Variants in ADGRL2 observed in about 807,000 individuals in gnomAD.
ADGRL2 encodes the protein adhesion G protein-coupled receptor L2.
In ADGRL2, 44 loss-of-function variants were observed where a neutral mutation model predicts 157.4. The ratio of observed to expected loss-of-function variants is 0.28; its 90% CI spans 0.22 to 0.36. The LOEUF is 0.36. ADGRL2 is among the 10% of genes least tolerant of loss of function. The pLI is 1.00. For missense variants in ADGRL2, 1,510 were observed against 1,768.9 expected, an observed-to-expected ratio of 0.85 and a Z score of 2.63; for synonymous variants, 585 against 624.7, an observed-to-expected ratio of 0.94 and a Z score of 0.95.
At chr1:81,889,791 G>T (rs1398077295) in intron 2 of ADGRL2, among the ~76,000 whole-genome samples, 1 of 152,158 alleles carries the variant, frequency 6.6e-6, no homozygotes, top group Non-Finnish European at 1.5e-5. Context: ...CTTGTTAGGG[G>T]CTAATGCAGC....
chr1:81,525,905 G>A (rs1409928889), intron 2 of ADGRL2, among the ~76,000 whole-genome samples: 1 of 152,140 alleles, frequency 6.6e-6, no homozygotes, highest in Admixed American at 6.5e-5. Flanking sequence ...TTATTTGACA[G>A]TGAAGCTGAT....
chr1:81,736,840 C>T (rs538877289), intron 1 of ADGRL2, among the ~76,000 whole-genome samples: 2 of 152,114 alleles, frequency 1.3e-5, no homozygotes, highest in South Asian at 4.2e-4. Context: ...GAGACTCCCT[C>T]ACTCTTTTTT....
intron 2 of ADGRL2, among the ~76,000 whole-genome samples, chr1:81,870,973 A>G (rs2093676655): frequency 6.7e-6 from 1 of 149,292 alleles, no homozygotes; most frequent in Non-Finnish European, 1.5e-5. Context: ...TCTAGGGTAC[A>G]TGTGCACAAT....
chr1:81,385,688 T>A (rs575852296), intron 1 of ADGRL2, among the ~76,000 whole-genome samples: 34 of 151,720 alleles, frequency 2.2e-4, no homozygotes, highest in Admixed American at 7.2e-4. Flanking sequence ...GGAGAAAAAA[T>A]TTTAAAATGA....
At chr1:81,498,554 A>C (rs2078777265) in intron 2 of ADGRL2, among the ~76,000 whole-genome samples, 1 of 152,194 alleles carries the variant, frequency 6.6e-6, no homozygotes, top group African/African-American at 2.4e-5. Flanking sequence ...AAGAGCCGGA[A>C]CATCTGAGTA....
At chr1:81,638,875 G>T in intron 3 of ADGRL2, among the ~76,000 whole-genome samples, 2 of 152,138 alleles carry the variant, frequency 1.3e-5, no homozygotes, top group Non-Finnish European at 2.9e-5. Context: ...ATGATGGTGT[G>T]TACCTATAGT....
chr1:81,396,592 G>T (rs149022575), intron 1 of ADGRL2, among the ~76,000 whole-genome samples: 2 of 152,112 alleles, frequency 1.3e-5, no homozygotes, highest in African/African-American at 4.8e-5. Context: ...TAGAGAAAAA[G>T]CTTTCAGCTT....
At chr1:81,829,165 G>T (rs2091751660) in intron 1 of ADGRL2, among the ~76,000 whole-genome samples, 1 of 152,074 alleles carries the variant, frequency 6.6e-6, no homozygotes, top group Non-Finnish European at 1.5e-5. Context: ...ACCTGCCTTG[G>T]CCTCCCAAAG....
chr1:81,764,573 T>A (rs1356349464), intron 2 of ADGRL2, among the ~76,000 whole-genome samples: 1 of 152,104 alleles, frequency 6.6e-6, no homozygotes, highest in Non-Finnish European at 1.5e-5. Context: ...TCTCTAATTA[T>A]GTAGCTATAA....
chr1:81,391,918 T>G (rs1293567525), intron 1 of ADGRL2, among the ~76,000 whole-genome samples: 1 of 152,202 alleles, frequency 6.6e-6, no homozygotes, highest in Non-Finnish European at 1.5e-5. Flanking sequence ...CCATTATAAG[T>G]ACTTTACCTA....
chr1:81,787,219 A>C (rs183385268), intron 2 of ADGRL2, among the ~76,000 whole-genome samples: 1 of 152,332 alleles, frequency 6.6e-6, no homozygotes, highest in East Asian at 1.9e-4. Flanking sequence ...ATCAACAGTG[A>C]AAACAGACTA....
chr1:81,467,162 C>T (rs997030310), intron 2 of ADGRL2, among the ~76,000 whole-genome samples: 1 of 152,082 alleles, frequency 6.6e-6, no homozygotes, highest in Admixed American at 6.6e-5. Flanking sequence ...ACTTTATGGC[C>T]CTTGCTGTAT....
chr1:81,976,183 A>T (rs757417352), intron 17 of ADGRL2, among the ~76,000 whole-genome samples: 2 of 152,044 alleles, frequency 1.3e-5, no homozygotes, highest in African/African-American at 2.4e-5. Context: ...AAGACTAGTA[A>T]ATAATATGTA....
intron 3 of ADGRL2, among the ~76,000 whole-genome samples, chr1:81,634,082 T>A (rs181696808): frequency 1.0e-3 from 154 of 151,880 alleles, no homozygotes; most frequent in Non-Finnish European, 1.8e-3. Context: ...TGTGTAAGAG[T>A]CCCAGAGAGA....
intron 1 of ADGRL2, among the ~76,000 whole-genome samples, chr1:81,344,709 T>C (rs1487063663): frequency 6.8e-6 from 1 of 146,792 alleles, no homozygotes; most frequent in East Asian, 2.0e-4. Context: ...TATTTAAAAG[T>C]GTGTTTTGTC....
chr1:81,395,341 G>A (rs1282345891), intron 1 of ADGRL2, among the ~76,000 whole-genome samples: 5 of 150,842 alleles, frequency 3.3e-5, no homozygotes, highest in African/African-American at 1.2e-4. Context: ...TTTTGAGAGA[G>A]ATGCTTATTC....
intron 2 of ADGRL2, among the ~76,000 whole-genome samples, chr1:81,778,320 TCAAA>T (rs769240529): frequency 1.4e-5 from 1 of 70,938 alleles, no homozygotes; most frequent in African/African-American, 6.9e-5. Flanking sequence ...AGACTCCGTC[TCAAA>T]AAAAAAAAAA....
intron 3 of ADGRL2, among the ~76,000 whole-genome samples, chr1:81,677,777 A>C (rs1030221298): frequency 6.6e-6 from 1 of 152,182 alleles, no homozygotes; most frequent in African/African-American, 2.4e-5. Context: ...TTATCTTTCT[A>C]GAGGATAAAT....
At chr1:81,928,299 A>G (rs1479275877) in intron 3 of ADGRL2, among the ~76,000 whole-genome samples, 1 of 152,148 alleles carries the variant, frequency 6.6e-6, no homozygotes, top group East Asian at 1.9e-4. Flanking sequence ...ACAAGACTAT[A>G]TCCAAATTGA....
Sources: gnomAD v4.1 joint callset for allele counts (sites outside exome capture counted in the v4.1 genomes callset) on GRCh38, gnomAD v4.1.1 for gene constraint, MANE v1.5 for transcripts, NCBI Gene and HGNC (gene_info 2026-07-23, HGNC 2026-07-21) for gene names.